Variants in FOXN3 observed in about 807,000 individuals in gnomAD.
FOXN3 encodes forkhead box protein N3.
FOXN3 carries 7 observed loss-of-function variants against 38.4 expected under a neutral mutation model. The observed-to-expected ratio is 0.18, with a 90% CI of 0.10 to 0.34. The LOEUF (loss-of-function observed/expected upper bound fraction) is 0.34. Among genes scored for constraint, FOXN3 ranks in the 10% least tolerant of loss-of-function variants. FOXN3 has a pLI of 1.00. For synonymous variants in FOXN3, 230 were observed against 242.2 expected, an observed-to-expected ratio of 0.95 and a Z score of 0.47; for missense variants, 456 against 613.4, an observed-to-expected ratio of 0.74 and a Z score of 2.71.
At chr14:89,495,016 A>C (rs1284342342) in intron 1 of FOXN3, among the ~76,000 whole-genome samples, 1 of 152,150 alleles carries the variant, frequency 6.6e-6, no homozygotes, top group East Asian at 1.9e-4. Flanking sequence ...TAAAAGCCAA[A>C]ATGTATGGTT....
chr14:89,445,990 T>A (rs1892485149), intron 1 of FOXN3, among the ~76,000 whole-genome samples: 1 of 147,918 alleles, frequency 6.8e-6, no homozygotes, highest in African/African-American at 2.5e-5. Context: ...TAGTCCTAGC[T>A]ACTTGGAAGG....
At chr14:89,613,454 CA>C (rs1328342259) in intron 1 of FOXN3, among the ~76,000 whole-genome samples, 1 of 152,180 alleles carries the variant, frequency 6.6e-6, no homozygotes, top group African/African-American at 2.4e-5. Flanking sequence ...CTTTGAAATG[CA>C]GGTGGGAGGA....
chr14:89,457,823 A>T (rs1259682305), intron 1 of FOXN3, among the ~76,000 whole-genome samples: 2 of 151,424 alleles, frequency 1.3e-5, no homozygotes, highest in African/African-American at 4.9e-5. Context: ...GACCAGCCTG[A>T]CCAACATGGA....
chr14:89,222,552 C>T (rs915492561), intron 4 of FOXN3, among the ~76,000 whole-genome samples: 1 of 152,120 alleles, frequency 6.6e-6, no homozygotes. Context: ...TATTTTGTGG[C>T]CTCATTTACA....
intron 4 of FOXN3, among the ~76,000 whole-genome samples, chr14:89,208,074 G>A (rs1431553355): frequency 1.3e-5 from 2 of 152,182 alleles, no homozygotes; most frequent in Admixed American, 1.3e-4. Flanking sequence ...ATACTTTCAG[G>A]CAGGGAGTGC....
chr14:89,458,388 G>A (rs1892771617), intron 1 of FOXN3, among the ~76,000 whole-genome samples: 1 of 152,156 alleles, frequency 6.6e-6, no homozygotes. Flanking sequence ...CCCTCCTTGT[G>A]TGTCCTGGAC....
intron 4 of FOXN3, among the ~76,000 whole-genome samples, chr14:89,214,463 A>G (rs945632436): frequency 4.6e-5 from 7 of 152,214 alleles, no homozygotes; most frequent in Non-Finnish European, 8.8e-5. Context: ...AACAGCAAAC[A>G]AAGGCCTGGG....
In FOXN3 at chr14:89,550,491, T is replaced by C. The variant is rs180872149; in HGVS notation, c.-15+68537A>G. On this transcript the variant is annotated intron_variant, in intron 1 of 6. Transcript: ENST00000345097. ...GGCTGAGGGTGTCTGCTGGGCCAAA[T>C]TGTCTGCCGGTGACAGAGAGAAACC... Among the ~76,000 whole-genome samples, 268 of 152,282 alleles carry C rather than the reference T, an allele frequency of 1.8e-3. 2 individuals are homozygous for C. The highest frequency in any genetic ancestry group is 2.7e-3 in the Non-Finnish European group (181 of 68,020).
intron 1 of FOXN3, among the ~76,000 whole-genome samples, chr14:89,442,170 T>A (rs1248562775): frequency 1.3e-5 from 2 of 151,886 alleles, no homozygotes; most frequent in Non-Finnish European, 2.9e-5. Flanking sequence ...AGATGATCCA[T>A]CCACCTCAGC....
chr14:89,548,025 A>T lies in FOXN3; in HGVS notation c.-15+71003T>A, dbSNP rs757366116. 2.0e-5 allele frequency among the ~76,000 whole-genome samples: 3 copies of T among 152,196 alleles called. No homozygotes were observed. The highest frequency in any genetic ancestry group is 4.4e-5 in the Non-Finnish European group (3 of 68,030). On this transcript the variant is annotated intron_variant, in intron 1 of 6. Transcript: ENST00000345097. This position sits in a 1 kb window ranked among gnomAD's most constrained non-coding sequence, Gnocchi z 4.8. ...AGGAGGTGGAAGGGGGAACTGGCAA[A>T]GGGAAAATACTTTCTCTTGTTCAAA...
At chr14:89,280,820 TCAC>T in intron 4 of FOXN3, 127 bp downstream of exon 4, 1 of 684,880 alleles carries the variant, frequency 1.5e-6, no homozygotes, top group Non-Finnish European at 2.5e-6. Flanking sequence ...CCCACAACAG[TCAC>T]ACTTCTCCAG....
chr14:89,207,958 G>A (rs1157135185), intron 4 of FOXN3, among the ~76,000 whole-genome samples: 3 of 152,144 alleles, frequency 2.0e-5, no homozygotes, highest in African/African-American at 7.2e-5. Context: ...AAGCACAGCA[G>A]GCCCAAGTGT....
At chr14:89,538,895 G>C (rs1359830495) in intron 1 of FOXN3, among the ~76,000 whole-genome samples, 24 of 151,512 alleles carry the variant, frequency 1.6e-4, no homozygotes, top group Admixed American at 1.6e-3. Flanking sequence ...CCCGGCTGGA[G>C]TGCAGTGGTG....
intron 1 of FOXN3, among the ~76,000 whole-genome samples, chr14:89,543,910 G>T (rs941043537): frequency 2.0e-5 from 3 of 151,846 alleles, no homozygotes; most frequent in Non-Finnish European, 2.9e-5. Context: ...CAATGGGGGT[G>T]GGGGGGAAGT....
chr14:89,208,261 C>G (rs1450842922), intron 4 of FOXN3, among the ~76,000 whole-genome samples: 1 of 152,176 alleles, frequency 6.6e-6, no homozygotes, highest in East Asian at 1.9e-4. Flanking sequence ...CAATGATGGG[C>G]AGCCAGGGTC....
chr14:89,558,957 C>G (rs1004043571), intron 1 of FOXN3, among the ~76,000 whole-genome samples: 1 of 152,190 alleles, frequency 6.6e-6, no homozygotes, highest in Non-Finnish European at 1.5e-5. Flanking sequence ...TGATTTACCC[C>G]CTCGCATTCT....
chr14:89,420,890 A>AAG (rs1286448421), upstream of FOXN3, among the ~76,000 whole-genome samples: 3 of 151,790 alleles, frequency 2.0e-5, no homozygotes, highest in Non-Finnish European at 4.4e-5. Flanking sequence ...CGAATTAAAA[A>AAG]AAAAAAAAAA....
intron 1 of FOXN3, among the ~76,000 whole-genome samples, chr14:89,596,478 C>A (rs1441762528): frequency 6.6e-6 from 1 of 152,084 alleles, no homozygotes; most frequent in African/African-American, 2.4e-5. Context: ...GTGAAACTGG[C>A]CTGGAATGTT....
chr14:89,491,542 C>A (rs1350318357), intron 1 of FOXN3, among the ~76,000 whole-genome samples: 1 of 152,056 alleles, frequency 6.6e-6, no homozygotes, highest in Non-Finnish European at 1.5e-5. Flanking sequence ...CACAGGATGC[C>A]CAAGGAAAAG....
Sources: gnomAD v4.1 joint callset for allele counts (sites outside exome capture counted in the v4.1 genomes callset) on GRCh38, gnomAD v4.1.1 for gene constraint, Gnocchi (gnomAD v3.1) non-coding constraint, MANE v1.5 for transcripts, NCBI Gene and HGNC (gene_info 2026-07-23, HGNC 2026-07-21) for gene names.